The following PPP3CA variants were observed in gnomAD, a reference collection of about 807,000 sequenced individuals.
The protein encoded by PPP3CA is protein phosphatase 3 catalytic subunit alpha, also known as CAM-PRP catalytic subunit.
Under a neutral mutation model 66.5 loss-of-function variants are expected in PPP3CA, and 14 were observed. The ratio of observed to expected loss-of-function variants is 0.21; its 90% confidence interval spans 0.14 to 0.33. The LOEUF is 0.33. Among genes scored for constraint, PPP3CA ranks in the 10% least tolerant of loss-of-function variants. The pLI, the probability that PPP3CA is intolerant of heterozygous loss-of-function variation, is 1.00. For missense variants in PPP3CA, 317 were observed against 639.5 expected, an observed-to-expected ratio of 0.50 and a Z score of 5.44; for synonymous variants, 232 against 226.2, an observed-to-expected ratio of 1.03 and a Z score of -0.23.
chr4:101,320,366 T>C (rs1381747141), intron 1 of PPP3CA, among the ~76,000 whole-genome samples: 1 of 152,058 alleles, frequency 6.6e-6, no homozygotes, highest in East Asian at 1.9e-4. Flanking sequence ...TAAAACAGTA[T>C]TATGTACTAA....
At chr4:101,269,559 T>A (rs949646502) in intron 1 of PPP3CA, among the ~76,000 whole-genome samples, 1 of 91,890 alleles carries the variant, frequency 1.1e-5, no homozygotes, top group Admixed American at 1.6e-4. Context: ...GGAACGTGTG[T>A]GTGTGTGTGT....
chr4:101,259,089 C>T (rs1018471112), intron 1 of PPP3CA, among the ~76,000 whole-genome samples: 1 of 152,122 alleles, frequency 6.6e-6, no homozygotes, highest in African/African-American at 2.4e-5. Flanking sequence ...ACTTTTATTG[C>T]TGCAAGCACT....
At chr4:101,269,669 G>T (rs187925135) in intron 1 of PPP3CA, among the ~76,000 whole-genome samples, 1 of 151,166 alleles carries the variant, frequency 6.6e-6, no homozygotes, top group African/African-American at 2.4e-5. Flanking sequence ...TTAAATATTT[G>T]TTGGAAACAC....
chr4:101,094,458 A>G (rs893034803), intron 5 of PPP3CA, among the ~76,000 whole-genome samples: 4 of 152,182 alleles, frequency 2.6e-5, no homozygotes, highest in African/African-American at 9.7e-5. Flanking sequence ...GATGGCTTTT[A>G]CTTTAAAAGT....
chr4:101,100,607 A>C (rs913752160), intron 3 of PPP3CA, among the ~76,000 whole-genome samples: 5 of 152,192 alleles, frequency 3.3e-5, no homozygotes, highest in Non-Finnish European at 5.9e-5. Flanking sequence ...TATTAACATC[A>C]GTAATTTGTT....
chr4:101,029,491 T>C (rs1441835216), intron 12 of PPP3CA, among the ~76,000 whole-genome samples: 1 of 151,958 alleles, frequency 6.6e-6, no homozygotes, highest in Non-Finnish European at 1.5e-5. Context: ...GGAAAACACT[T>C]AGGAAAATTT....
intron 1 of PPP3CA, among the ~76,000 whole-genome samples, chr4:101,340,256 T>G (rs190404715): frequency 6.6e-6 from 1 of 152,280 alleles, no homozygotes; most frequent in East Asian, 1.9e-4. Context: ...TTTTTTAAAA[T>G]AGAGTCATAG....
chr4:101,098,516 T>G lies in PPP3CA; in HGVS notation c.497-4A>C. 6.3e-7 allele frequency: 1 copy of G among 1,592,826 alleles called. No individual in the cohort carries two copies. The highest frequency in any genetic ancestry group is 8.5e-7 in the Non-Finnish European group (1 of 1,170,480). On this transcript the variant is annotated splice_polypyrimidine_tract_variant and splice_region_variant and intron_variant, in intron 4 of 13. Coordinates refer to ENST00000394854, the MANE Select transcript of PPP3CA (RefSeq NM_000944.5). ...CGTTCTGAATACTTTATTTTACCTT[T>G]TAGAAGTGATTAAAAGAATACTTAT...
chr4:101,137,338 C>T (rs1244979409), intron 2 of PPP3CA, among the ~76,000 whole-genome samples: 1 of 152,048 alleles, frequency 6.6e-6, no homozygotes, highest in African/African-American at 2.4e-5. Flanking sequence ...GGGAATCTGA[C>T]TGAGTCATGC....
chr4:101,112,386 G>T (rs1326749943), intron 2 of PPP3CA, among the ~76,000 whole-genome samples: 1 of 152,098 alleles, frequency 6.6e-6, no homozygotes, highest in Non-Finnish European at 1.5e-5. Flanking sequence ...TTGGCTTGAT[G>T]ATATAAAATA....
chr4:101,283,372 C>T (rs2583401), intron 1 of PPP3CA, among the ~76,000 whole-genome samples: 44,468 of 151,914 alleles, frequency 0.29, 8,645 homozygotes, highest in African/African-American at 0.51. Flanking sequence ...TTGCTTTTGG[C>T]TATAATGTTC....
At chr4:101,233,660 T>TA in intron 1 of PPP3CA, among the ~76,000 whole-genome samples, 1 of 151,456 alleles carries the variant, frequency 6.6e-6, no homozygotes. Flanking sequence ...TAAAATGAAA[T>TA]AAAAATAAAA....
At chr4:101,271,180 T>C (rs1468031591) in intron 1 of PPP3CA, among the ~76,000 whole-genome samples, 1 of 152,166 alleles carries the variant, frequency 6.6e-6, no homozygotes, top group Non-Finnish European at 1.5e-5. Flanking sequence ...GGATTCTACA[T>C]GTTTTCCAAA....
intron 2 of PPP3CA, among the ~76,000 whole-genome samples, chr4:101,135,768 C>A (rs1291349244): frequency 6.6e-6 from 1 of 152,222 alleles, no homozygotes; most frequent in Non-Finnish European, 1.5e-5. Flanking sequence ...AACATTTAAG[C>A]AAAGTGTGAA....
intron 1 of PPP3CA, among the ~76,000 whole-genome samples, chr4:101,264,351 G>T (rs1025974288): frequency 4.6e-5 from 7 of 151,946 alleles, no homozygotes; most frequent in African/African-American, 1.7e-4. Flanking sequence ...AATTTTAATA[G>T]GAATTGAGTC....
intron 1 of PPP3CA, among the ~76,000 whole-genome samples, chr4:101,214,142 G>A (rs1206707317): frequency 6.6e-6 from 1 of 152,044 alleles, no homozygotes; most frequent in Non-Finnish European, 1.5e-5. Flanking sequence ...TCCTTATTTT[G>A]GGGGGCTAAC....
intron 5 of PPP3CA, among the ~76,000 whole-genome samples, chr4:101,094,299 CCT>C (rs563607763): frequency 1.1e-3 from 160 of 152,186 alleles, no homozygotes; most frequent in African/African-American, 3.7e-3. Context: ...TGACTCTACC[CCT>C]GTTTCATTTA....
rs1397312949 is a variant in PPP3CA at position 101,104,460 on chromosome 4, T to TC, written c.384+4493_384+4494insG. On this transcript the variant is annotated intron_variant, in intron 3 of 13. Coordinates refer to ENST00000394854, the MANE Select transcript of PPP3CA (RefSeq NM_000944.5). ...ACCAGTTTCTGCATTACTGATTTTT[T>TC]TTTTTCGTGGTGCTTTGTGGTACAT... is the stretch of plus-strand genomic sequence containing the variant. 2.0e-5 allele frequency among the ~76,000 whole-genome samples: 3 copies of TC among 152,048 alleles called. No individual in the cohort carries two copies. In the East Asian group the frequency reaches 5.8e-4, roughly 29 times the overall value.
intron 8 of PPP3CA, among the ~76,000 whole-genome samples, chr4:101,064,151 A>G (rs1193657769): frequency 1.3e-5 from 2 of 151,990 alleles, no homozygotes; most frequent in Non-Finnish European, 2.9e-5. Context: ...AAAGATGTCC[A>G]TCCATGACTC....
Sources: allele counts gnomAD v4.1 joint callset (sites outside exome capture counted in the v4.1 genomes callset), GRCh38; gene constraint gnomAD v4.1.1; transcripts MANE v1.5; gene names NCBI Gene and HGNC (gene_info 2026-07-23, HGNC 2026-07-21).